The following MLLT3 variants were observed in gnomAD, a reference collection of about 807,000 sequenced individuals.
MLLT3 encodes the protein protein AF-9.
A neutral mutation model predicts 53.2 loss-of-function variants in MLLT3; 4 were observed. The ratio of observed to expected loss-of-function variants is 0.08; its 90% CI spans 0.04 to 0.17. The LOEUF (loss-of-function observed/expected upper bound fraction) is 0.17. Ranked by LOEUF, MLLT3 falls within the 10% of genes least tolerant of loss-of-function variation. The pLI, the probability that MLLT3 is intolerant of heterozygous loss-of-function variation, is 1.00. For synonymous variants in MLLT3, 283 were observed against 230.6 expected (o/e 1.23, Z -2.06); for missense variants, 569 against 684.0 (o/e 0.83, Z 1.87).
intron 2 of MLLT3, among the ~76,000 whole-genome samples, chr9:20,619,396 C>G (rs1299010362): frequency 1.3e-5 from 2 of 151,942 alleles, no homozygotes; most frequent in African/African-American, 4.8e-5. Flanking sequence ...GGAAACAAAA[C>G]TAAGCACCAA....
chr9:20,400,046 A>G (rs76494740), intron 5 of MLLT3, among the ~76,000 whole-genome samples: 1 of 116,222 alleles, frequency 8.6e-6, no homozygotes, highest in Non-Finnish European at 1.5e-5. Flanking sequence ...TAACATCATT[A>G]AAAAAAAAGA....
intron 5 of MLLT3, among the ~76,000 whole-genome samples, chr9:20,366,730 G>A (rs527816090): frequency 7.7e-4 from 117 of 152,074 alleles, no homozygotes; most frequent in African/African-American, 2.6e-3. Flanking sequence ...TTTAATGATC[G>A]CCATTCTAAC....
chr9:20,379,418 T>C (rs555932604), intron 5 of MLLT3, among the ~76,000 whole-genome samples: 2 of 151,952 alleles, frequency 1.3e-5, no homozygotes, highest in Non-Finnish European at 2.9e-5. Flanking sequence ...ATCATCATAG[T>C]GAGAACAATT....
intron 2 of MLLT3, among the ~76,000 whole-genome samples, chr9:20,457,575 C>A (rs1824003379): frequency 6.6e-6 from 1 of 151,990 alleles, no homozygotes; most frequent in South Asian, 2.1e-4. Flanking sequence ...TCTATGCCAT[C>A]CTCTTTCCTT....
At chr9:20,602,456 A>G (rs952292312) in intron 2 of MLLT3, among the ~76,000 whole-genome samples, 1 of 152,186 alleles carries the variant, frequency 6.6e-6, no homozygotes, top group South Asian at 2.1e-4. Flanking sequence ...TGTTTTGACT[A>G]TAAATTAACA....
rs1820763139 is a variant in MLLT3, at chr9:20,342,629, G to T, written c.*3814C>A. ...GACTTCTTCACTGCATCTTTACAAG[G>T]AATATTCAGGGATGGCAGTGCCTAC... On this transcript the variant is annotated 3_prime_UTR_variant, in exon 11 of 11. Transcript: ENST00000380338. The T allele has an allele frequency of 9.3e-6, 2 of 215,194 alleles. No homozygotes were observed. The highest frequency in any genetic ancestry group is 2.3e-5 in the African/African-American group (1 of 44,126). The allele number at this position is 215,194 out of a possible 1,614,324, so 13.3% of individuals were successfully genotyped here.
At position 20,342,917 on chromosome 9, in the gene MLLT3, A is replaced by C. The variant is rs1184854283; in HGVS notation, c.*3526T>G. 1 of 187,090 alleles carries C rather than the reference A, an allele frequency of 5.3e-6. No individual in the cohort carries two copies. Among genetic ancestry groups the C allele is most frequent in the East Asian group, 8.5e-5 (1 of 11,766 alleles). 11.6% of individuals were successfully genotyped at this position (187,090 alleles called of 1,614,324 possible). A position where few individuals can be genotyped will look rare whatever the true frequency, so the allele number is the denominator to read the frequency against. ...AAAACGCTAAAGGTGGAAAGTAATA[A>C]GCATACAGCAAATTACTCCAGAGCA... On this transcript the variant is annotated 3_prime_UTR_variant, in exon 11 of 11. Transcript: ENST00000380338.
chr9:20,534,843 G>A (rs891059406), intron 2 of MLLT3, among the ~76,000 whole-genome samples: 6 of 152,044 alleles, frequency 3.9e-5, no homozygotes, highest in Non-Finnish European at 7.4e-5. Context: ...CTGAGATGAT[G>A]CCACTGCACT....
chr9:20,486,178 G>C (rs1268933360), intron 2 of MLLT3, among the ~76,000 whole-genome samples: 1 of 151,928 alleles, frequency 6.6e-6, no homozygotes, highest in Admixed American at 6.6e-5. Context: ...AAAGATTCTG[G>C]TTATAATACA....
intron 5 of MLLT3, among the ~76,000 whole-genome samples, chr9:20,383,078 C>T (rs1821943531): frequency 6.6e-6 from 1 of 151,772 alleles, no homozygotes; most frequent in African/African-American, 2.4e-5. Context: ...GCTTCAGTAA[C>T]ATTTTCCAGT....
At position 20,414,300 on chromosome 9, in the gene MLLT3, ACTGCTGCTGCTACTG is replaced by A; in HGVS notation, c.531_545del (p.Ser186_Ser190del). 3 of 1,595,890 alleles carry A rather than the reference ACTGCTGCTGCTACTG, an allele frequency of 1.9e-6. No individual in the cohort carries two copies. The highest frequency in any genetic ancestry group is 2.2e-5 in the East Asian group (1 of 44,566). ...TACTACTGCTGCTGCTGCTGCTGCT[ACTGCTGCTGCTACTG>A]CTGCTGCTGCTGCTGCTGCTGCTGC... On this transcript the variant is annotated inframe_deletion, in exon 5 of 11. Coordinates refer to ENST00000380338, the MANE Select transcript of MLLT3 (RefSeq NM_004529.4).
At position 20,622,228 on chromosome 9, in the gene MLLT3, T is replaced by G; in HGVS notation, c.12+17A>C. ...AAGTGGGGGAGGGCTTTTATTATTA[T>G]TTTTGCGCGTACTTACCGAGCTAGC... On this transcript the variant is annotated intron_variant, in intron 1 of 10. Transcript: ENST00000380338. The G allele has an allele frequency of 1.2e-6, 2 of 1,601,830 alleles. No individual in the cohort carries two copies. Among genetic ancestry groups the G allele is most frequent in the Non-Finnish European group, 1.7e-6 (2 of 1,173,124 alleles).
rs144936468 is a variant in MLLT3 at position 20,619,423 on chromosome 9, C to G, written c.193+1231G>C. ...AAGCACCAATACAAACCTCTGCCAC[C>G]TCTAAGGCACACGACGCTTCTCCTT... On this transcript the variant is annotated intron_variant, in intron 2 of 10. Transcript: ENST00000380338. 6.0e-3 allele frequency among the ~76,000 whole-genome samples: 908 copies of G among 150,508 alleles called. 6 individuals carry two copies. The highest frequency in any genetic ancestry group is 0.021 in the African/African-American group (847 of 40,960).
At chr9:20,514,160 G>T (rs1174097742) in intron 2 of MLLT3, among the ~76,000 whole-genome samples, 1 of 152,204 alleles carries the variant, frequency 6.6e-6, no homozygotes, top group Admixed American at 6.5e-5. Context: ...TTGCAGTATG[G>T]AAGTGTAGGG....
chr9:20,457,637 C>T (rs1242857995), intron 2 of MLLT3, among the ~76,000 whole-genome samples: 2 of 152,076 alleles, frequency 1.3e-5, no homozygotes, highest in Non-Finnish European at 2.9e-5. Context: ...CCCTCCTTCA[C>T]CCACCCAAAA....
chr9:20,393,026 A>T (rs1219041706), intron 5 of MLLT3, among the ~76,000 whole-genome samples: 1 of 152,106 alleles, frequency 6.6e-6, no homozygotes, highest in Non-Finnish European at 1.5e-5. Context: ...ATGGTGGCAC[A>T]TGCCTGTAAT....
intron 4 of MLLT3, among the ~76,000 whole-genome samples, chr9:20,437,914 G>A (rs1823445900): frequency 1.3e-5 from 2 of 152,164 alleles, no homozygotes; most frequent in South Asian, 4.1e-4. Context: ...TCTAGTTTTT[G>A]TAGCCATGTT....
chr9:20,345,948 C>T lies in MLLT3; in HGVS notation c.*495G>A. The T allele has an allele frequency of 4.3e-6, 1 of 232,468 alleles. No individual in the cohort carries two copies. The highest frequency in any genetic ancestry group is 8.5e-6 in the Non-Finnish European group (1 of 117,306). 14.4% of individuals were successfully genotyped at this position (232,468 alleles called of 1,614,324 possible). ...TGGGCTTGGGATGGCAAGGGTGCTG[C>T]ATTGAAAGAGCATCCACGGGACCAA... On this transcript the variant is annotated 3_prime_UTR_variant, in exon 11 of 11. Coordinates refer to ENST00000380338, the MANE Select transcript of MLLT3 (RefSeq NM_004529.4).
chr9:20,549,905 C>G (rs1300189387), intron 2 of MLLT3, among the ~76,000 whole-genome samples: 5 of 152,154 alleles, frequency 3.3e-5, no homozygotes, highest in Non-Finnish European at 7.3e-5. Flanking sequence ...GGAGTCAATC[C>G]AACCAAATTA....
Sources: allele counts gnomAD v4.1 joint callset (sites outside exome capture counted in the v4.1 genomes callset), GRCh38; gene constraint gnomAD v4.1.1; transcripts MANE v1.5; gene names NCBI Gene and HGNC (gene_info 2026-07-23, HGNC 2026-07-21).